FBXO4: variants seen among roughly 807,000 people sequenced by gnomAD.
The protein encoded by FBXO4 is F-box protein 4.
In FBXO4, 36 loss-of-function variants were observed where a neutral mutation model predicts 43.7. That is an observed-to-expected ratio of 0.82 (90% CI 0.63 to 1.09). The LOEUF (loss-of-function observed/expected upper bound fraction) is 1.09, where lower values mean the gene tolerates loss of function less well. Ranked by LOEUF, FBXO4 falls within the 50% of genes least tolerant of loss-of-function variation. The probability of loss-of-function intolerance (pLI) is 0.00; values close to 1 mark genes in which losing one functional copy is unlikely to be tolerated. For synonymous variants in FBXO4, 180 were observed against 165.6 expected, an observed-to-expected ratio of 1.09 and a Z score of -0.67; for missense variants, 435 against 474.1, an observed-to-expected ratio of 0.92 and a Z score of 0.77.
chr5:41,932,960 G>C (rs1190288733), intron 3 of FBXO4, among the ~76,000 whole-genome samples: 1 of 152,148 alleles, frequency 6.6e-6, no homozygotes, highest in African/African-American at 2.4e-5. Flanking sequence ...CAGATACAAA[G>C]CAGTAAGAAG....
chr5:41,960,049 T>C, the FBXO4 span, among the ~76,000 whole-genome samples: 1 of 152,102 alleles, frequency 6.6e-6, no homozygotes, highest in African/African-American at 2.4e-5. Context: ...TAGCGTATTA[T>C]AGTTTTCTGT....
chr5:41,940,295 G>A (rs987368306), intron 6 of FBXO4, among the ~76,000 whole-genome samples: 4 of 151,516 alleles, frequency 2.6e-5, no homozygotes, highest in Admixed American at 6.6e-5. Context: ...ACAGGGTCTC[G>A]CTCTCACCCA....
Position 41,925,411 on chromosome 5 carries a change from C to T in FBXO4, c.102C>T (p.Phe34=), listed in dbSNP as rs923834573. The change falls in exon 1 of 7, where the codon TTC becomes TTT. Residue 34 remains phenylalanine (F), a synonymous_variant. Transcript: ENST00000281623. Reference sequence around the variant, plus strand: ...CCATCCTCAGCGGCTGGAAGACCTTCTGGCAGTCAGTGAGCAAGGAGAGGG... The same window carrying T: ...CCATCCTCAGCGGCTGGAAGACCTTTTGGCAGTCAGTGAGCAAGGAGAGGG... ...EAAILSGWKT[F]WQSVSKERVA... 1.1e-5 allele frequency: 15 copies of T among 1,384,986 alleles called. No individual in the cohort carries two copies. Among genetic ancestry groups the T allele is most frequent in the African/African-American group, 7.6e-5 (5 of 65,644 alleles). The allele number at this position is 1,384,986 out of a possible 1,614,324, so 85.8% of individuals were successfully genotyped here.
chr5:41,940,429 T>C (rs1030503348), intron 6 of FBXO4, among the ~76,000 whole-genome samples: 6 of 151,948 alleles, frequency 3.9e-5, no homozygotes, highest in African/African-American at 1.5e-4. Context: ...ACCTGGCTAA[T>C]TTTTGTATTT....
chr5:42,027,867 G>A, the FBXO4 span, among the ~76,000 whole-genome samples: 8 of 151,878 alleles, frequency 5.3e-5, no homozygotes, highest in African/African-American at 1.7e-4. Context: ...ATTGACGTTT[G>A]GTTACATTCC....
the FBXO4 span, among the ~76,000 whole-genome samples, chr5:42,017,452 C>A: frequency 1.3e-3 from 188 of 150,326 alleles, no homozygotes; most frequent in African/African-American, 4.5e-3. Flanking sequence ...CTTTTTCAAC[C>A]TTTATTTTAG....
chr5:42,009,801 T>A, the FBXO4 span, among the ~76,000 whole-genome samples: 1 of 152,234 alleles, frequency 6.6e-6, no homozygotes, highest in Middle Eastern at 3.2e-3. Flanking sequence ...CAACCATTTC[T>A]AAGTGTGCAG....
At chr5:41,971,337 T>A in the FBXO4 span, among the ~76,000 whole-genome samples, 1 of 151,828 alleles carries the variant, frequency 6.6e-6, no homozygotes, top group African/African-American at 2.4e-5. Context: ...TTCAAAAATT[T>A]CCTATAGTGC....
the FBXO4 span, among the ~76,000 whole-genome samples, chr5:41,982,857 T>A: frequency 1.3e-5 from 2 of 152,126 alleles, no homozygotes; most frequent in Non-Finnish European, 2.9e-5. Flanking sequence ...CCTAATGCTA[T>A]CCTTCCCCTA....
the FBXO4 span, among the ~76,000 whole-genome samples, chr5:42,016,556 T>G: frequency 2.0e-5 from 3 of 152,020 alleles, no homozygotes; most frequent in African/African-American, 7.2e-5. Context: ...CAGATTTCTT[T>G]TTTATAATTT....
chr5:42,036,931 A>G, the FBXO4 span, among the ~76,000 whole-genome samples: 1 of 152,068 alleles, frequency 6.6e-6, no homozygotes, highest in East Asian at 1.9e-4. Flanking sequence ...TGGGGAGGGT[A>G]CTAAAGAAAG....
the FBXO4 span, chr5:41,967,892 C>T: frequency 1.8e-6 from 1 of 569,010 alleles, no homozygotes; most frequent in African/African-American, 1.9e-5. Context: ...ACAATTATCT[C>T]ACTGTTGATT....
intron 1 of FBXO4, among the ~76,000 whole-genome samples, chr5:41,925,711 A>G (rs1251501682): frequency 6.6e-6 from 1 of 151,728 alleles, no homozygotes; most frequent in East Asian, 2.0e-4. Flanking sequence ...GGGCCCGAAC[A>G]TCTCAGGGAA....
At chr5:42,025,170 C>T in the FBXO4 span, among the ~76,000 whole-genome samples, 1 of 151,948 alleles carries the variant, frequency 6.6e-6, no homozygotes. Flanking sequence ...TACATTCCTG[C>T]TAATAGTGGA....
At chr5:41,941,090 A>G in intron 6 of FBXO4, 102 bp from the exon 7 acceptor site, 1 of 822,976 alleles carries the variant, frequency 1.2e-6, no homozygotes, top group Non-Finnish European at 1.9e-6. Flanking sequence ...GGGATTTTTA[A>G]AAGTTCTGTT....
intron 3 of FBXO4, among the ~76,000 whole-genome samples, chr5:41,932,565 GT>G (rs1226952211): frequency 2.2e-4 from 34 of 152,292 alleles, no homozygotes; most frequent in African/African-American, 7.5e-4. Context: ...AATGAGGTTA[GT>G]AGGGACCAGA....
At chr5:41,957,991 T>C in the FBXO4 span, among the ~76,000 whole-genome samples, 39 of 152,276 alleles carry the variant, frequency 2.6e-4, no homozygotes, top group South Asian at 3.5e-3. Context: ...TGAGTAAAAT[T>C]ATATATGCTT....
chr5:42,028,129 G>T, the FBXO4 span, among the ~76,000 whole-genome samples: 1 of 151,846 alleles, frequency 6.6e-6, no homozygotes, highest in Admixed American at 6.6e-5. Flanking sequence ...ATGCTGAAAT[G>T]GGGTGTTGAA....
At chr5:41,967,627 G>T in the FBXO4 span, 1 of 1,034,476 alleles carries the variant, frequency 9.7e-7, no homozygotes, top group Non-Finnish European at 1.5e-6. Context: ...GGGTTGGAAT[G>T]CCAGTTTGCT....
Sources: allele counts gnomAD v4.1 joint callset (sites outside exome capture counted in the v4.1 genomes callset), GRCh38; gene constraint gnomAD v4.1.1; transcripts MANE v1.5; gene names NCBI Gene and HGNC (gene_info 2026-07-23, HGNC 2026-07-21).